TESK2: variants seen among roughly 807,000 people sequenced by gnomAD.
TESK2 encodes the protein testis associated actin remodelling kinase 2.
A neutral mutation model predicts 57.1 loss-of-function variants in TESK2; 39 were observed. The ratio of observed to expected loss-of-function variants is 0.68; its 90% confidence interval spans 0.53 to 0.89. TESK2 has a LOEUF of 0.89. Ranked by LOEUF, TESK2 falls within the 40% of genes least tolerant of loss-of-function variation. TESK2 has a pLI of 0.00. For synonymous variants in TESK2, 249 were observed against 267.9 expected (o/e 0.93, Z 0.69); for missense variants, 646 against 732.1 (o/e 0.88, Z 1.36).
chr1:45,456,509 A>T (rs889294003), intron 2 of TESK2, among the ~76,000 whole-genome samples: 3 of 151,864 alleles, frequency 2.0e-5, no homozygotes, highest in Non-Finnish European at 4.4e-5. Flanking sequence ...ACAGAGTGAG[A>T]CTCCATCTCA....
chr1:45,365,163 CAA>C (rs1282674403), intron 4 of TESK2, among the ~76,000 whole-genome samples: 1 of 152,132 alleles, frequency 6.6e-6, no homozygotes, highest in East Asian at 1.9e-4. Context: ...ACAGACATCC[CAA>C]GAGTGCCCTG....
chr1:45,352,143 T>C (rs796522562), intron 5 of TESK2, among the ~76,000 whole-genome samples: 2 of 152,334 alleles, frequency 1.3e-5, no homozygotes, highest in African/African-American at 4.8e-5. Context: ...GTCTGGTTCA[T>C]AAGACTCACT....
At chr1:45,453,320 T>A (rs1413810723) in intron 2 of TESK2, among the ~76,000 whole-genome samples, 1 of 116,220 alleles carries the variant, frequency 8.6e-6, no homozygotes. Context: ...CCAGCCTAGG[T>A]AACAGAATGA....
At chr1:45,478,044 T>C (rs1422584795) in intron 1 of TESK2, among the ~76,000 whole-genome samples, 1 of 152,244 alleles carries the variant, frequency 6.6e-6, no homozygotes, top group East Asian at 1.9e-4. Flanking sequence ...GAATCATTCA[T>C]GTGTCATACA....
rs774564175 is a variant in TESK2 at position 45,345,091 on chromosome 1, G to A, written c.1465C>T (p.Leu489Phe). Residue 489 changes from leucine to phenylalanine, a missense_variant, in exon 11 of 11, where the codon CTC (leucine) becomes TTC (phenylalanine). Coordinates refer to ENST00000372086, the MANE Select transcript of TESK2 (RefSeq NM_007170.3). Reference sequence around the variant, plus strand: ...GGGATCTCTTTAACTCTGTACTTGAGACTACTTAGGCGTGGTGGGGGCCCA... The same window carrying A: ...GGGATCTCTTTAACTCTGTACTTGAAACTACTTAGGCGTGGTGGGGGCCCA... ...SDGPPPRLSS[L>F]KYRVKEIPPF... is the part of the protein sequence containing the mutation. The A allele has an allele frequency of 6.2e-7, 1 of 1,614,176 alleles. No homozygotes were observed. Among genetic ancestry groups the A allele is most frequent in the South Asian group, 1.1e-5 (1 of 91,086 alleles).
chr1:45,486,818 C>CACACACACACACACACACAT lies in TESK2; in HGVS notation c.-87+4033_-87+4034insATGTGTGTGTGTGTGTGTGT, dbSNP rs796420228. 7.5e-3 allele frequency among the ~76,000 whole-genome samples: 1,049 copies of CACACACACACACACACACAT among 140,146 alleles called. 33 individuals carry two copies. Among genetic ancestry groups the CACACACACACACACACACAT allele is most frequent in the African/African-American group, 0.028 (983 of 35,054 alleles). 91.9% of individuals were successfully genotyped at this position (140,146 alleles called of 152,430 possible). On this transcript the variant is annotated intron_variant, in intron 1 of 10. Transcript: ENST00000372086. Reference sequence around the variant, plus strand: ...ACACACACACACACACACACACACACATATATACATTTTTTTTTTTTGAGA... The same window carrying CACACACACACACACACACAT: ...ACACACACACACACACACACACACACACACACACACACACACACATATATATACATTTTTTTTTTTTGAGA...
At chr1:45,444,024 T>C (rs1181020885) in intron 2 of TESK2, among the ~76,000 whole-genome samples, 3 of 151,994 alleles carry the variant, frequency 2.0e-5, no homozygotes, top group Non-Finnish European at 4.4e-5. Context: ...CAAAAAAATT[T>C]AAAAATTAGC....
At chr1:45,483,170 A>G (rs1456570640) in intron 1 of TESK2, among the ~76,000 whole-genome samples, 1 of 151,360 alleles carries the variant, frequency 6.6e-6, no homozygotes, top group Admixed American at 6.6e-5. Context: ...AATCCCAGCT[A>G]CTCAGGAGGC....
chr1:45,435,736 A>C (rs1440654277), intron 2 of TESK2, among the ~76,000 whole-genome samples: 2 of 134,338 alleles, frequency 1.5e-5, no homozygotes, highest in Non-Finnish European at 3.2e-5. Context: ...TCTTTATTTT[A>C]TTTTATTTTA....
chr1:45,489,203 C>A (rs1167130355), intron 1 of TESK2, among the ~76,000 whole-genome samples: 1 of 151,892 alleles, frequency 6.6e-6, no homozygotes, highest in South Asian at 2.1e-4. Context: ...TTGATAGTCA[C>A]CGCCCCCCAC....
At chr1:45,469,499 G>A (rs1244282645) in intron 1 of TESK2, among the ~76,000 whole-genome samples, 2 of 152,128 alleles carry the variant, frequency 1.3e-5, no homozygotes, top group Non-Finnish European at 2.9e-5. Flanking sequence ...GTGAGACTCA[G>A]GATTCAAATC....
At chr1:45,435,730 T>G (rs1651176946) in intron 2 of TESK2, among the ~76,000 whole-genome samples, 1 of 151,338 alleles carries the variant, frequency 6.6e-6, no homozygotes, top group African/African-American at 2.4e-5. Context: ...AAATTATCTT[T>G]ATTTTATTTT....
At chr1:45,373,157 A>T (rs916864813) in intron 4 of TESK2, among the ~76,000 whole-genome samples, 13 of 152,220 alleles carry the variant, frequency 8.5e-5, no homozygotes, top group Non-Finnish European at 1.6e-4. Context: ...CAACAAAAAA[A>T]GATTTGTATT....
intron 4 of TESK2, among the ~76,000 whole-genome samples, chr1:45,367,860 T>G (rs1398132814): frequency 6.6e-6 from 1 of 150,868 alleles, no homozygotes; most frequent in East Asian, 2.0e-4. Flanking sequence ...GGTTTCACCA[T>G]GTTGGCCAGG....
chr1:45,433,695 C>T (rs1267161929), intron 2 of TESK2, among the ~76,000 whole-genome samples: 1 of 152,074 alleles, frequency 6.6e-6, no homozygotes, highest in East Asian at 1.9e-4. Context: ...TCAATGAATG[C>T]TTAGGTTGGT....
At chr1:45,399,044 C>T in intron 3 of TESK2, 1 of 402,126 alleles carries the variant, frequency 2.5e-6, no homozygotes. Context: ...ACCTGGACAA[C>T]ATATACCATG....
chr1:45,472,956 T>G (rs1353082352), intron 1 of TESK2, among the ~76,000 whole-genome samples: 2 of 138,750 alleles, frequency 1.4e-5, no homozygotes, highest in Middle Eastern at 3.7e-3. Context: ...GGTAATACGG[T>G]GAAACCCTGT....
intron 3 of TESK2, among the ~76,000 whole-genome samples, chr1:45,418,567 T>C (rs1207346808): frequency 2.6e-5 from 4 of 152,224 alleles, no homozygotes; most frequent in Non-Finnish European, 4.4e-5. Flanking sequence ...AGAAAGAACA[T>C]AGGCCTTAGA....
intron 4 of TESK2, among the ~76,000 whole-genome samples, chr1:45,381,083 T>G (rs536821565): frequency 1.3e-5 from 2 of 152,208 alleles, no homozygotes; most frequent in Admixed American, 6.5e-5. Flanking sequence ...AATAAGATTA[T>G]AGCATTGTGA....
Sources: allele counts gnomAD v4.1 joint callset (sites outside exome capture counted in the v4.1 genomes callset), GRCh38; gene constraint gnomAD v4.1.1; transcripts MANE v1.5; gene names NCBI Gene and HGNC (gene_info 2026-07-23, HGNC 2026-07-21).